The following SYT1 variants were observed in gnomAD, a reference collection of about 807,000 sequenced individuals.
SYT1 encodes the protein synaptotagmin 1, also known as synaptotagmin-1.
Under a neutral mutation model 44.8 loss-of-function variants are expected in SYT1, and 8 were observed. That is an observed-to-expected ratio of 0.18 (90% CI 0.10 to 0.32). The LOEUF (loss-of-function observed/expected upper bound fraction) is 0.32, where lower values mean the gene tolerates loss of function less well. SYT1 is among the 10% of genes least tolerant of loss of function. The pLI is 1.00. For missense variants in SYT1, 286 were observed against 509.3 expected (o/e 0.56, Z 4.22); for synonymous variants, 154 against 188.8 (o/e 0.82, Z 1.51).
chr12:79,108,552 C>G (rs144765872), intron 3 of SYT1, among the ~76,000 whole-genome samples: 1 of 152,068 alleles, frequency 6.6e-6, no homozygotes, highest in Middle Eastern at 3.4e-3. Flanking sequence ...CCTCCCATGC[C>G]CCTTGGATAG....
intron 8 of SYT1, among the ~76,000 whole-genome samples, chr12:79,327,492 G>A (rs1433596131): frequency 1.3e-5 from 2 of 152,076 alleles, no homozygotes; most frequent in Non-Finnish European, 2.9e-5. Flanking sequence ...TTTCCTTCTG[G>A]CAACCAATCC....
At chr12:79,184,262 C>T (rs1215582246) in intron 3 of SYT1, among the ~76,000 whole-genome samples, 4 of 151,826 alleles carry the variant, frequency 2.6e-5, no homozygotes, top group African/African-American at 9.7e-5. Flanking sequence ...CTGAAAAAAA[C>T]ATAGGTTGTA....
intron 8 of SYT1, among the ~76,000 whole-genome samples, chr12:79,301,250 T>G (rs545280866): frequency 6.6e-6 from 1 of 152,238 alleles, no homozygotes; most frequent in East Asian, 1.9e-4. Context: ...GGGTGCATGG[T>G]TCACACTTGT....
intron 7 of SYT1, 74 bp from the exon 8 acceptor site, chr12:79,299,310 A>T: frequency 6.8e-7 from 1 of 1,478,634 alleles, no homozygotes; most frequent in Non-Finnish European, 9.3e-7. Flanking sequence ...ATATTAAATT[A>T]AGCACCATGA....
rs376295485 is a variant in SYT1, at chr12:78,922,312, A to G, written c.-216-55487A>G. Among the ~76,000 whole-genome samples, 18 of 152,046 alleles carry G rather than the reference A, an allele frequency of 1.2e-4. No homozygotes were observed. The East Asian group carries it at 1.7e-3, about 15-fold the overall frequency. On this transcript the variant is annotated intron_variant, in intron 1 of 10. Transcript: ENST00000261205. ...CAATGAATGTGTAACTAATAGAGTC[A>G]AGAGGCATAAAGGACTTGGAGTTGC...
chr12:79,432,552 C>A (rs888988853), intron 9 of SYT1, among the ~76,000 whole-genome samples: 5 of 152,152 alleles, frequency 3.3e-5, no homozygotes, highest in African/African-American at 1.2e-4. Context: ...ATAGGCTCAA[C>A]AAAGTCACTT....
At chr12:79,122,446 G>A (rs1868288553) in intron 3 of SYT1, among the ~76,000 whole-genome samples, 1 of 134,774 alleles carries the variant, frequency 7.4e-6, no homozygotes, top group South Asian at 2.5e-4. Flanking sequence ...CCCGGGAGGC[G>A]GAGCTTGCAG....
chr12:78,937,372 A>C (rs919357299), intron 1 of SYT1, among the ~76,000 whole-genome samples: 2 of 152,122 alleles, frequency 1.3e-5, no homozygotes, highest in African/African-American at 4.8e-5. Context: ...TGGCCTTTAA[A>C]TTCTATAAGT....
At chr12:79,255,877 T>C (rs1262742395) in intron 4 of SYT1, among the ~76,000 whole-genome samples, 3 of 152,188 alleles carry the variant, frequency 2.0e-5, no homozygotes, top group East Asian at 1.9e-4. Flanking sequence ...GATTTCTAAA[T>C]AGATTTGCTC....
chr12:78,965,797 G>C (rs1879737871), intron 1 of SYT1, among the ~76,000 whole-genome samples: 1 of 152,102 alleles, frequency 6.6e-6, no homozygotes, highest in African/African-American at 2.4e-5. Context: ...TTCTGGAATA[G>C]GCTTGGTGCA....
intron 1 of SYT1, among the ~76,000 whole-genome samples, chr12:78,878,179 G>A (rs191460042): frequency 1.6e-4 from 24 of 151,532 alleles, no homozygotes; most frequent in Non-Finnish European, 2.5e-4. Flanking sequence ...CTTGTAGATC[G>A]GAAGAGGATA....
At chr12:79,376,280 C>T (rs1448959948) in intron 9 of SYT1, among the ~76,000 whole-genome samples, 2 of 152,336 alleles carry the variant, frequency 1.3e-5, no homozygotes, top group East Asian at 3.9e-4. Context: ...ACTCCATAGA[C>T]AGAGCAGTCC....
chr12:79,245,473 CAA>C (rs1273397377), intron 4 of SYT1, among the ~76,000 whole-genome samples: 1 of 43,522 alleles, frequency 2.3e-5, no homozygotes, highest in Non-Finnish European at 4.2e-5. Flanking sequence ...ACTCCGTCAA[CAA>C]AAAAAAAAAA....
intron 3 of SYT1, among the ~76,000 whole-genome samples, chr12:79,061,962 G>A (rs1875418675): frequency 6.6e-6 from 1 of 152,124 alleles, no homozygotes. Context: ...ACAAGCGAAG[G>A]AGAAGAAAAA....
In SYT1 at chr12:78,932,701, G is replaced by C. The variant is rs547878023; in HGVS notation, c.-216-45098G>C. On this transcript the variant is annotated intron_variant, in intron 1 of 10. Transcript: ENST00000261205. ...GTAATTTTATTTTCAATTGCCTTCA[G>C]GGAACAATATGCAAACTCTTCGAGA... Among the ~76,000 whole-genome samples the C allele has an allele frequency of 1.4e-4, 21 of 151,922 alleles. 1 individual carries two copies. The South Asian group carries it at 4.4e-3, about 32-fold the overall frequency.
At chr12:79,285,360 G>A (rs1057200358) in intron 4 of SYT1, among the ~76,000 whole-genome samples, 8 of 152,158 alleles carry the variant, frequency 5.3e-5, no homozygotes, top group Admixed American at 6.5e-5. Flanking sequence ...GATCTATGGG[G>A]TACCTACCAA....
At chr12:79,066,735 A>T (rs1875891068) in intron 3 of SYT1, among the ~76,000 whole-genome samples, 1 of 152,328 alleles carries the variant, frequency 6.6e-6, no homozygotes. Context: ...GCTTAAAAAA[A>T]CAGAAATGGG....
intron 3 of SYT1, among the ~76,000 whole-genome samples, chr12:79,209,052 A>G (rs549300141): frequency 1.3e-5 from 2 of 152,292 alleles, no homozygotes; most frequent in African/African-American, 4.8e-5. Context: ...AGTTGTTGTA[A>G]GGTCTGAAAA....
chr12:78,910,854 T>C (rs968262805), intron 1 of SYT1, among the ~76,000 whole-genome samples: 4 of 151,890 alleles, frequency 2.6e-5, no homozygotes, highest in Middle Eastern at 3.2e-3. Context: ...ACCTAGATAA[T>C]GTGCATGGGA....
Sources: gnomAD v4.1 joint callset for allele counts (sites outside exome capture counted in the v4.1 genomes callset) on GRCh38, gnomAD v4.1.1 for gene constraint, MANE v1.5 for transcripts, NCBI Gene and HGNC (gene_info 2026-07-23, HGNC 2026-07-21) for gene names.